Variants in NOX4 observed in about 807,000 individuals in gnomAD.
The protein encoded by NOX4 is NADPH oxidase 4.
NOX4 carries 69 observed loss-of-function variants against 87.6 expected under a neutral mutation model. The observed-to-expected ratio is 0.79, with a 90% CI of 0.65 to 0.96. The LOEUF (loss-of-function observed/expected upper bound fraction) is 0.96, where lower values mean the gene tolerates loss of function less well. Among genes scored for constraint, NOX4 ranks in the 40% least tolerant of loss-of-function variants. The pLI is 0.00. For missense variants in NOX4, 680 were observed against 681.5 expected (o/e 1.00, Z 0.02); for synonymous variants, 275 against 238.2 (o/e 1.15, Z -1.42).
At chr11:89,433,693 C>T (rs939018998) in intron 6 of NOX4, among the ~76,000 whole-genome samples, 1 of 152,040 alleles carries the variant, frequency 6.6e-6, no homozygotes, top group African/African-American at 2.4e-5. Context: ...TACTTGCAGA[C>T]ATATTTCTCC....
At chr11:89,494,197 T>C (rs564228588), upstream of NOX4, among the ~76,000 whole-genome samples, 7 of 152,304 alleles carry the variant, frequency 4.6e-5, no homozygotes, top group Non-Finnish European at 1.0e-4. Context: ...GAACAGACTT[T>C]ACAATAAAAA....
intron 2 of NOX4, among the ~76,000 whole-genome samples, chr11:89,458,847 C>T (rs1209718224): frequency 1.3e-5 from 2 of 152,138 alleles, no homozygotes; most frequent in Admixed American, 6.6e-5. Context: ...CACTTACATG[C>T]TGTTCATGGG....
intron 8 of NOX4, among the ~76,000 whole-genome samples, chr11:89,416,493 T>C (rs557971374): frequency 6.6e-6 from 1 of 152,290 alleles, no homozygotes; most frequent in Non-Finnish European, 1.5e-5. Context: ...ATTGCACAAA[T>C]ATCTCTATCC....
At chr11:89,374,720 G>T (rs575663558) in intron 11 of NOX4, among the ~76,000 whole-genome samples, 1 of 152,192 alleles carries the variant, frequency 6.6e-6, no homozygotes, top group Non-Finnish European at 1.5e-5. Context: ...GAAATCAAAC[G>T]AAATAGGAGG....
chr11:89,334,035 T>C (rs1442737885), intron 17 of NOX4, among the ~76,000 whole-genome samples: 1 of 151,682 alleles, frequency 6.6e-6, no homozygotes, highest in African/African-American at 2.4e-5. Context: ...GAACTAACTG[T>C]AGGAACCAAC....
the NOX4 span, among the ~76,000 whole-genome samples, chr11:89,517,702 C>CA: frequency 2.0e-5 from 3 of 151,594 alleles, no homozygotes; most frequent in African/African-American, 7.3e-5. Flanking sequence ...ATGCTGGTCT[C>CA]AAACTCATGG....
chr11:89,325,312 T>A lies in NOX4; in HGVS notation c.*1444A>T, dbSNP rs1307500018. ...CTAATATTTGTATTTTTAGTAGCGA[T>A]GGGGTTTCACCAACTTGGTCAGGCT... On this transcript the variant is annotated 3_prime_UTR_variant, in exon 18 of 18. Transcript: ENST00000263317. 6.6e-6 allele frequency: 1 copy of A among 151,898 alleles called. No homozygotes were observed. Among genetic ancestry groups the A allele is most frequent in the South Asian group, 2.1e-4 (1 of 4,820 alleles). 9.4% of individuals were successfully genotyped at this position (151,898 alleles called of 1,614,324 possible).
chr11:89,560,277 G>A, the NOX4 span, among the ~76,000 whole-genome samples: 10 of 152,112 alleles, frequency 6.6e-5, no homozygotes, highest in East Asian at 3.9e-4. Context: ...GAAGAGACAA[G>A]GAAGATTTTC....
chr11:89,534,027 C>T, the NOX4 span: 3 of 152,196 alleles, frequency 2.0e-5, no homozygotes, highest in Non-Finnish European at 4.4e-5. Context: ...AAAAGGATAG[C>T]TTTAATTCCT....
chr11:89,359,866 A>C (rs178436), intron 12 of NOX4, among the ~76,000 whole-genome samples: 2,136 of 152,222 alleles, frequency 0.014, 47 homozygotes, highest in African/African-American at 0.049. Flanking sequence ...CCTAAACAAA[A>C]GGTACTTGAA....
At chr11:89,444,436 A>C (rs997733626) in intron 4 of NOX4, among the ~76,000 whole-genome samples, 1 of 151,638 alleles carries the variant, frequency 6.6e-6, no homozygotes, top group Non-Finnish European at 1.5e-5. Context: ...GGCTGTAATG[A>C]AACAACCCTA....
chr11:89,438,351 T>C (rs1471742806), intron 6 of NOX4, among the ~76,000 whole-genome samples: 3 of 116,140 alleles, frequency 2.6e-5, no homozygotes, highest in African/African-American at 1.0e-4. Context: ...ATACTATATA[T>C]ACTATATATT....
chr11:89,470,185 C>T (rs1381516298), intron 2 of NOX4, among the ~76,000 whole-genome samples: 1 of 152,028 alleles, frequency 6.6e-6, no homozygotes. Context: ...AGTAAGAAGT[C>T]AACAGAAGTT....
intron 11 of NOX4, among the ~76,000 whole-genome samples, chr11:89,383,467 C>T (rs565978483): frequency 6.6e-6 from 1 of 152,282 alleles, no homozygotes; most frequent in East Asian, 1.9e-4. Flanking sequence ...CTAATGCTGC[C>T]CGATCGCCTC....
In NOX4 at chr11:89,491,193, G is replaced by T. The variant is rs560182928; in HGVS notation, c.54C>A (p.Cys18Ter). 6.2e-7 allele frequency: 1 copy of T among 1,613,782 alleles called. No individual in the cohort carries two copies. The highest frequency in any genetic ancestry group is 2.2e-5 in the East Asian group (1 of 44,852). The part of the protein sequence containing the change: ...WLANEGVKHL[C>*]LFIWLSMNVL... ...AGAGCCTAGCCCGCCATCCTACCAG[G>T]CAGAGGTGTTTAACCCCTTCGTTGG... is the stretch of plus-strand genomic sequence containing the variant. Residue 18 changes from cysteine to a stop codon, truncating the protein, a stop_gained, in exon 1 of 18, where the codon TGC (cysteine) becomes TGA (stop). Coordinates refer to ENST00000263317, the MANE Select transcript of NOX4 (RefSeq NM_016931.5). LOFTEE classifies it high-confidence loss of function.
intron 11 of NOX4, among the ~76,000 whole-genome samples, chr11:89,384,935 C>G (rs1940578593): frequency 6.6e-6 from 1 of 152,178 alleles, no homozygotes; most frequent in African/African-American, 2.4e-5. Context: ...CTTTCCTCTT[C>G]CTCACGCTGA....
At chr11:89,359,993 A>C (rs1270673792) in intron 12 of NOX4, among the ~76,000 whole-genome samples, 1 of 151,960 alleles carries the variant, frequency 6.6e-6, no homozygotes, top group Non-Finnish European at 1.5e-5. Context: ...CGAAATCCTT[A>C]AGGGACATTA....
At chr11:89,418,437 T>TAATAA (rs1398175458) in intron 8 of NOX4, among the ~76,000 whole-genome samples, 1 of 140,638 alleles carries the variant, frequency 7.1e-6, no homozygotes, top group Non-Finnish European at 1.5e-5. Flanking sequence ...ATAATAATAA[T>TAATAA]AATAATAATA....
At chr11:89,436,385 T>C (rs1944082859) in intron 6 of NOX4, among the ~76,000 whole-genome samples, 1 of 152,174 alleles carries the variant, frequency 6.6e-6, no homozygotes, top group Non-Finnish European at 1.5e-5. Context: ...TGGAAATCAC[T>C]GGGCTAGTCT....
Sources: gnomAD v4.1 joint callset for allele counts (sites outside exome capture counted in the v4.1 genomes callset) on GRCh38, gnomAD v4.1.1 for gene constraint, MANE v1.5 for transcripts, NCBI Gene and HGNC (gene_info 2026-07-23, HGNC 2026-07-21) for gene names.